CAMTA1: variants seen among roughly 807,000 people sequenced by gnomAD.
CAMTA1 encodes the protein calmodulin-binding transcription activator 1.
Under a neutral mutation model 170.9 loss-of-function variants are expected in CAMTA1, and 27 were observed. That is an observed-to-expected ratio of 0.16 (90% CI 0.12 to 0.22). The LOEUF is 0.22. Among genes scored for constraint, CAMTA1 ranks in the 10% least tolerant of loss-of-function variants. The pLI, the probability that CAMTA1 is intolerant of heterozygous loss-of-function variation, is 1.00. For synonymous variants in CAMTA1, 833 were observed against 891.5 expected (o/e 0.93, Z 1.17); for missense variants, 1,619 against 2,217.2 (o/e 0.73, Z 5.42).
chr1:7,156,134 C>G (rs1170485825), intron 4 of CAMTA1, among the ~76,000 whole-genome samples: 1 of 150,886 alleles, frequency 6.6e-6, no homozygotes, highest in Non-Finnish European at 1.5e-5. Context: ...AAAAAATAGC[C>G]AGATGTGGTG....
intron 5 of CAMTA1, among the ~76,000 whole-genome samples, chr1:7,398,187 CTCTCTCTATATATATATATATATATAT>C (rs1483424689): frequency 2.1e-4 from 8 of 38,228 alleles, no homozygotes; most frequent in Middle Eastern, 0.024. Flanking sequence ...CTCTCTCTCT[CTCTCTCTATATATATATATATATATAT>C]ATATATATAT....
At chr1:6,860,021 A>G (rs1400444471) in intron 3 of CAMTA1, among the ~76,000 whole-genome samples, 3 of 152,072 alleles carry the variant, frequency 2.0e-5, no homozygotes, top group Non-Finnish European at 4.4e-5. Flanking sequence ...TGGATATGTT[A>G]CTTTTTATAA....
At chr1:6,830,017 ATTC>A (rs1009384789) in intron 3 of CAMTA1, among the ~76,000 whole-genome samples, 16 of 151,548 alleles carry the variant, frequency 1.1e-4, no homozygotes, top group African/African-American at 3.6e-4. Flanking sequence ...GATAGTTTTG[ATTC>A]TTTTTTTATT....
intron 4 of CAMTA1, among the ~76,000 whole-genome samples, chr1:7,107,389 AGC>A (rs1643712123): frequency 6.6e-6 from 1 of 152,064 alleles, no homozygotes; most frequent in South Asian, 2.1e-4. Flanking sequence ...AAAACAGCAC[AGC>A]AGCATTTGTA....
chr1:7,453,275 C>T (rs1231157469), intron 5 of CAMTA1, among the ~76,000 whole-genome samples: 1 of 152,220 alleles, frequency 6.6e-6, no homozygotes, highest in Non-Finnish European at 1.5e-5. Context: ...CCAGAATGAG[C>T]CACACGGGGT....
chr1:7,119,080 C>T (rs751294929), intron 4 of CAMTA1, among the ~76,000 whole-genome samples: 2 of 152,338 alleles, frequency 1.3e-5, no homozygotes, highest in East Asian at 1.9e-4. Flanking sequence ...GAGCAGGAAT[C>T]GCCTTAATTC....
At chr1:6,916,328 A>G (rs529540108) in intron 3 of CAMTA1, among the ~76,000 whole-genome samples, 2 of 152,262 alleles carry the variant, frequency 1.3e-5, no homozygotes, top group East Asian at 1.9e-4. Flanking sequence ...ACGATGGCCA[A>G]ATTGAGTTAG....
Position 7,755,626 on chromosome 1 carries a change from T to C in CAMTA1, c.4959-12T>C. Reference sequence around the variant, plus strand: ...TGCTAATAGCTCTCTGGTGTTGTTTTACTGTCTAAAGCCCCCTGGTGGACC... The same window carrying C: ...TGCTAATAGCTCTCTGGTGTTGTTTCACTGTCTAAAGCCCCCTGGTGGACC... On this transcript the variant is annotated splice_polypyrimidine_tract_variant and intron_variant, in intron 21 of 22. Coordinates refer to ENST00000303635, the MANE Select transcript of CAMTA1 (RefSeq NM_015215.4). The C allele has an allele frequency of 6.2e-7, 1 of 1,612,262 alleles. No individual in the cohort carries two copies. Among genetic ancestry groups the C allele is most frequent in the Non-Finnish European group, 8.5e-7 (1 of 1,178,378 alleles).
intron 22 of CAMTA1, among the ~76,000 whole-genome samples, chr1:7,758,473 C>T (rs973348510): frequency 1.3e-5 from 2 of 152,252 alleles, no homozygotes; most frequent in Middle Eastern, 3.4e-3. Flanking sequence ...CAAGGAATAG[C>T]GTATATATGG....
intron 3 of CAMTA1, among the ~76,000 whole-genome samples, chr1:7,030,226 G>A (rs1702599102): frequency 6.6e-6 from 1 of 152,082 alleles, no homozygotes; most frequent in Non-Finnish European, 1.5e-5. Context: ...ATATTTTTTT[G>A]TATACAGTTA....
chr1:7,419,592 C>T (rs955084479), intron 5 of CAMTA1, among the ~76,000 whole-genome samples: 1 of 152,166 alleles, frequency 6.6e-6, no homozygotes, highest in African/African-American at 2.4e-5. Context: ...TAAGCTGATG[C>T]TTCCCAAACT....
chr1:6,981,125 T>C (rs1005396681), intron 3 of CAMTA1, among the ~76,000 whole-genome samples: 1 of 151,964 alleles, frequency 6.6e-6, no homozygotes, highest in Admixed American at 6.6e-5. Context: ...AAGACGTAAA[T>C]ACACCAAGTG....
At chr1:7,441,821 C>T (rs1383005167) in intron 5 of CAMTA1, among the ~76,000 whole-genome samples, 1 of 152,178 alleles carries the variant, frequency 6.6e-6, no homozygotes, top group East Asian at 1.9e-4. Context: ...ATCCCCATCC[C>T]GAGGCCCTGC....
At chr1:7,326,983 A>C (rs1339549798) in intron 5 of CAMTA1, among the ~76,000 whole-genome samples, 1 of 152,144 alleles carries the variant, frequency 6.6e-6, no homozygotes, top group Non-Finnish European at 1.5e-5. Context: ...AGGATGAAGA[A>C]GGAGGAGGTG....
intron 4 of CAMTA1, among the ~76,000 whole-genome samples, chr1:7,103,472 A>G (rs1236553757): frequency 6.7e-6 from 1 of 149,778 alleles, no homozygotes; most frequent in South Asian, 2.1e-4. Context: ...CATGTACACA[A>G]CACACACTAC....
chr1:7,295,724 G>C (rs145647890), intron 5 of CAMTA1, among the ~76,000 whole-genome samples: 1 of 152,108 alleles, frequency 6.6e-6, no homozygotes, highest in African/African-American at 2.4e-5. Flanking sequence ...AAATATCCAC[G>C]CCCTTGTCAC....
At chr1:6,960,240 C>T (rs1690136767) in intron 3 of CAMTA1, among the ~76,000 whole-genome samples, 1 of 152,106 alleles carries the variant, frequency 6.6e-6, no homozygotes, top group Admixed American at 6.5e-5. Flanking sequence ...GGGCAGAGAC[C>T]AGAGGAGTTT....
At chr1:6,980,975 C>T (rs6686349) in intron 3 of CAMTA1, among the ~76,000 whole-genome samples, 42,599 of 151,818 alleles carry the variant, frequency 0.28, 6,109 homozygotes, top group Non-Finnish European at 0.31. Flanking sequence ...GTTCCCTCAT[C>T]GGAAACCCTT....
At chr1:6,905,300 TCTC>T (rs1433773612) in intron 3 of CAMTA1, among the ~76,000 whole-genome samples, 1 of 150,710 alleles carries the variant, frequency 6.6e-6, no homozygotes, top group Non-Finnish European at 1.5e-5. Context: ...TTCGAGCAAT[TCTC>T]CTGCCTCAGC....
Sources: gnomAD v4.1 joint callset for allele counts (sites outside exome capture counted in the v4.1 genomes callset) on GRCh38, gnomAD v4.1.1 for gene constraint, MANE v1.5 for transcripts, NCBI Gene and HGNC (gene_info 2026-07-23, HGNC 2026-07-21) for gene names.